The following NCKAP1L variants were observed in gnomAD, a reference collection of about 807,000 sequenced individuals.
NCKAP1L encodes the protein nck-associated protein 1-like.
A neutral mutation model predicts 139.2 loss-of-function variants in NCKAP1L; 53 were observed. The ratio of observed to expected loss-of-function variants is 0.38; its 90% CI spans 0.31 to 0.48. The LOEUF is 0.48. Among genes scored for constraint, NCKAP1L ranks in the 20% least tolerant of loss-of-function variants. The probability of loss-of-function intolerance (pLI) is 0.98; values close to 1 mark genes in which losing one functional copy is unlikely to be tolerated. For synonymous variants in NCKAP1L, 468 were observed against 499.7 expected, an observed-to-expected ratio of 0.94 and a Z score of 0.85; for missense variants, 1,151 against 1,381.9, an observed-to-expected ratio of 0.83 and a Z score of 2.65.
chr12:54,520,677 T>C lies in NCKAP1L; in HGVS notation c.1626-17T>C. On this transcript the variant is annotated splice_polypyrimidine_tract_variant and intron_variant, in intron 16 of 30. Transcript: ENST00000293373. ...AAGGACTAAATCTTGATTTAAAGTC[T>C]TCCCGTTTCTCTGCAGCTTTCATCT... is the stretch of plus-strand genomic sequence containing the variant. 3 of 1,614,154 alleles carry C rather than the reference T, an allele frequency of 1.9e-6. No homozygotes were observed. Among genetic ancestry groups the C allele is most frequent in the Non-Finnish European group, 2.5e-6 (3 of 1,179,962 alleles).
intron 18 of NCKAP1L, among the ~76,000 whole-genome samples, chr12:54,522,478 G>A (rs1293266406): frequency 3.3e-5 from 5 of 152,226 alleles, no homozygotes; most frequent in Non-Finnish European, 5.9e-5. Flanking sequence ...AACATTCTGA[G>A]TAAATAATTA....
At chr12:54,527,248 T>C (rs1434901050) in intron 21 of NCKAP1L, among the ~76,000 whole-genome samples, 1 of 152,110 alleles carries the variant, frequency 6.6e-6, no homozygotes, top group East Asian at 1.9e-4. Context: ...CTTTGACATG[T>C]TAAGGAATGG....
At chr12:54,537,643 T>C (rs944073050) in intron 29 of NCKAP1L, among the ~76,000 whole-genome samples, 1 of 152,200 alleles carries the variant, frequency 6.6e-6, no homozygotes, top group Non-Finnish European at 1.5e-5. Flanking sequence ...GGACAAATGA[T>C]CAATGACTAC....
chr12:54,499,205 T>C (rs527504559), intron 1 of NCKAP1L, 150 bp from the exon 2 acceptor site: 2 of 549,898 alleles, frequency 3.6e-6, no homozygotes, highest in African/African-American at 3.8e-5. Flanking sequence ...ATTACAGGTG[T>C]GAGCCGCTGC....
chr12:54,541,710 G>C (rs1957159608), intron 30 of NCKAP1L, among the ~76,000 whole-genome samples: 1 of 152,168 alleles, frequency 6.6e-6, no homozygotes, highest in Non-Finnish European at 1.5e-5. Flanking sequence ...TCTTTCCTTA[G>C]TGAATTTTCA....
At chr12:54,523,594 A>G in intron 19 of NCKAP1L, 55 bp downstream of exon 19, 1 of 1,561,620 alleles carries the variant, frequency 6.4e-7, no homozygotes. Flanking sequence ...GAAGGCAGGA[A>G]AGGAAAGAGG....
At chr12:54,539,031 T>A in intron 30 of NCKAP1L, 58 bp downstream of exon 30, 2 of 1,419,144 alleles carry the variant, frequency 1.4e-6, no homozygotes, top group Non-Finnish European at 2.0e-6. Flanking sequence ...AGAGGGAGAC[T>A]TCTGTTTAGG....
At chr12:54,528,140 C>T in intron 21 of NCKAP1L, 107 bp from the exon 22 acceptor site, 3 of 1,350,720 alleles carry the variant, frequency 2.2e-6, no homozygotes, top group East Asian at 4.7e-5. Flanking sequence ...CTCCCTACCC[C>T]AGTCTTTTGC....
rs1022882323 is a variant in NCKAP1L, at chr12:54,538,799, T to C, written c.3184-85T>C. The C allele has an allele frequency of 5.9e-6, 6 of 1,023,494 alleles. No homozygotes were observed. In the African/African-American group the frequency reaches 9.5e-5, roughly 16 times the overall value. 63.4% of individuals were successfully genotyped at this position (1,023,494 alleles called of 1,614,324 possible). The stretch of plus-strand genomic sequence containing the variant: ...ATTCTAGCACTTCTTAACTCTCTCC[T>C]TGATCTTTTCTTAACTTCCTGCAGC... On this transcript the variant is annotated intron_variant, in intron 29 of 30. Transcript: ENST00000293373.
intron 22 of NCKAP1L, among the ~76,000 whole-genome samples, chr12:54,530,788 T>C (rs1332600838): frequency 1.3e-5 from 2 of 152,252 alleles, no homozygotes; most frequent in Non-Finnish European, 2.9e-5. Context: ...TTTATCCATA[T>C]ATTTTCCAAA....
intron 29 of NCKAP1L, among the ~76,000 whole-genome samples, chr12:54,537,809 G>A (rs1359464523): frequency 6.6e-6 from 1 of 152,042 alleles, no homozygotes; most frequent in African/African-American, 2.4e-5. Context: ...TCTAGGGACT[G>A]GAACTTAAAA....
At chr12:54,531,426 G>A in intron 23 of NCKAP1L, 65 bp from the exon 24 acceptor site, 5 of 1,606,378 alleles carry the variant, frequency 3.1e-6, no homozygotes, top group East Asian at 4.5e-5. Context: ...TAGGAGACTG[G>A]GGGGGAAGAT....
rs915237097 is a variant in NCKAP1L at position 54,523,676 on chromosome 12, G to A, written c.2024+137G>A. ...GGGGCATGGAAAAGCACTTAAATGCGAATTTCCTACTTTGCCTTTGAAGTC... is the reference window on the plus strand; with the variant it reads ...GGGGCATGGAAAAGCACTTAAATGCAAATTTCCTACTTTGCCTTTGAAGTC... On this transcript the variant is annotated intron_variant, in intron 19 of 30. Transcript: ENST00000293373. The A allele has an allele frequency of 5.6e-6, 8 of 1,432,848 alleles. No homozygotes were observed. In the South Asian group the frequency reaches 9.8e-5, roughly 18 times the overall value. 88.8% of individuals were successfully genotyped at this position (1,432,848 alleles called of 1,614,324 possible).
At position 54,523,807 on chromosome 12, in the gene NCKAP1L, G is replaced by A; in HGVS notation, c.2025-18G>A. The stretch of plus-strand genomic sequence containing the variant: ...AGGCAGTGCCAGACCTGTAATCCAG[G>A]CTCATTTTCCTTTCTAGCATGGACA... On this transcript the variant is annotated intron_variant, in intron 19 of 30. Transcript: ENST00000293373. 6.2e-7 allele frequency: 1 copy of A among 1,609,418 alleles called. No individual in the cohort carries two copies. Among genetic ancestry groups the A allele is most frequent in the South Asian group, 1.1e-5 (1 of 90,242 alleles).
rs1455868989 is a variant in NCKAP1L, at chr12:54,547,928, T to C, written c.*5243T>C. The C allele has an allele frequency of 6.6e-6, 1 of 152,124 alleles. No homozygotes were observed. The highest frequency in any genetic ancestry group is 1.5e-5 in the Non-Finnish European group (1 of 68,026). The allele number at this position is 152,124 out of a possible 1,614,324, so 9.4% of individuals were successfully genotyped here. On this transcript the variant is annotated 3_prime_UTR_variant, in exon 31 of 31. Transcript: ENST00000293373. The stretch of plus-strand genomic sequence containing the variant: ...GATGGACAGAGGGTGGGAAGTCCCT[T>C]ATTATTTCCACTTTTTTCTCCATCT...
At chr12:54,541,957 C>G (rs1033108552) in intron 30 of NCKAP1L, among the ~76,000 whole-genome samples, 1 of 152,084 alleles carries the variant, frequency 6.6e-6, no homozygotes, top group Non-Finnish European at 1.5e-5. Context: ...CCCTCACCCC[C>G]ACTCTCATTC....
At chr12:54,540,954 A>G (rs1260580192) in intron 30 of NCKAP1L, among the ~76,000 whole-genome samples, 2 of 152,244 alleles carry the variant, frequency 1.3e-5, no homozygotes, top group South Asian at 2.1e-4. Context: ...GAAATTGGAA[A>G]TGACCGAAGG....
Position 54,532,816 on chromosome 12 carries a change from C to A in NCKAP1L, c.2862+566C>A, listed in dbSNP as rs73310386. Among the ~76,000 whole-genome samples, 742 of 152,244 alleles carry A rather than the reference C, an allele frequency of 4.9e-3. 5 individuals are homozygous for A. Among genetic ancestry groups the A allele is most frequent in the African/African-American group, 0.017 (718 of 41,532 alleles). ...TATAAGTTAAGCATCCATTTCCCACCCATCTCCCACCTTTGAGTCATCTTG... is the reference window on the plus strand; with the variant it reads ...TATAAGTTAAGCATCCATTTCCCACACATCTCCCACCTTTGAGTCATCTTG... On this transcript the variant is annotated intron_variant, in intron 26 of 30. Coordinates refer to ENST00000293373, the MANE Select transcript of NCKAP1L (RefSeq NM_005337.5).
At position 54,517,613 on chromosome 12, in the gene NCKAP1L, G is replaced by A. The variant is rs1456726450; in HGVS notation, c.1176G>A (p.Lys392=). The A allele has an allele frequency of 1.9e-6, 3 of 1,613,754 alleles. No individual in the cohort carries two copies. In the African/African-American group the frequency reaches 4.0e-5, roughly 22 times the overall value. ...TTCGCCACACAGAGAATGTCACCAAGACAAAGACACCTGAGGACTATGCTG... is the reference window on the plus strand; with the variant it reads ...TTCGCCACACAGAGAATGTCACCAAAACAAAGACACCTGAGGACTATGCTG... ...WLVRHTENVT[K]TKTPEDYADS... Residue 392 remains lysine, a synonymous_variant, in exon 12 of 31, where the codon AAG becomes AAA. Coordinates refer to ENST00000293373, the MANE Select transcript of NCKAP1L (RefSeq NM_005337.5).
Sources: allele counts gnomAD v4.1 joint callset (sites outside exome capture counted in the v4.1 genomes callset), GRCh38; gene constraint gnomAD v4.1.1; transcripts MANE v1.5; gene names NCBI Gene and HGNC (gene_info 2026-07-23, HGNC 2026-07-21).